The following KAZN variants were observed in gnomAD, a reference collection of about 807,000 sequenced individuals.
KAZN encodes kazrin, periplakin interacting protein, also known as kazrin.
Under a neutral mutation model 87.4 loss-of-function variants are expected in KAZN, and 40 were observed. That is an observed-to-expected ratio of 0.46 (90% CI 0.36 to 0.60). The LOEUF is 0.60. KAZN is among the 20% of genes least tolerant of loss of function. KAZN has a pLI of 0.00. For missense variants in KAZN, 898 were observed against 1,073.9 expected, an observed-to-expected ratio of 0.84 and a Z score of 2.29; for synonymous variants, 466 against 458.3, an observed-to-expected ratio of 1.02 and a Z score of -0.22.
chr1:15,087,859 A>C (rs1170107368), intron 8 of KAZN, among the ~76,000 whole-genome samples: 1 of 152,250 alleles, frequency 6.6e-6, no homozygotes, highest in African/African-American at 2.4e-5. Flanking sequence ...ACAAGGCTGA[A>C]CACTTTGCAC....
chr1:14,135,907 A>C (rs1645098049), intron 1 of KAZN, among the ~76,000 whole-genome samples: 5 of 152,232 alleles, frequency 3.3e-5, no homozygotes, highest in Admixed American at 3.3e-4. Context: ...GAAATATGTT[A>C]AAGTCACAGA....
chr1:14,203,530 T>C (rs1289601044), intron 2 of KAZN, among the ~76,000 whole-genome samples: 1 of 152,206 alleles, frequency 6.6e-6, no homozygotes, highest in Non-Finnish European at 1.5e-5. Context: ...GTTTAAGAAA[T>C]GATGGTATTT....
intron 1 of KAZN, among the ~76,000 whole-genome samples, chr1:13,982,436 G>T (rs947480166): frequency 6.6e-6 from 1 of 152,198 alleles, no homozygotes; most frequent in Admixed American, 6.5e-5. Flanking sequence ...CGACTTTCGC[G>T]CTGAGTGTTA....
At chr1:14,969,618 G>A (rs563951442) in intron 2 of KAZN, among the ~76,000 whole-genome samples, 10 of 152,214 alleles carry the variant, frequency 6.6e-5, no homozygotes, top group African/African-American at 2.4e-4. Flanking sequence ...CCCCTTAAAG[G>A]CTTCTTAGAC....
intron 4 of KAZN, among the ~76,000 whole-genome samples, chr1:15,048,890 C>T (rs558171702): frequency 1.3e-5 from 2 of 150,524 alleles, no homozygotes; most frequent in Admixed American, 6.6e-5. Flanking sequence ...GGTCCTGGGT[C>T]GTTGGTCCTG....
At chr1:14,947,436 A>G (rs538961254) in intron 1 of KAZN, among the ~76,000 whole-genome samples, 1 of 152,320 alleles carries the variant, frequency 6.6e-6, no homozygotes, top group Non-Finnish European at 1.5e-5. Flanking sequence ...TGCAAGAGCC[A>G]AGACTGGGGG....
At chr1:14,251,736 CCT>C (rs2100615401) in intron 2 of KAZN, among the ~76,000 whole-genome samples, 2 of 146,796 alleles carry the variant, frequency 1.4e-5, no homozygotes, top group South Asian at 4.3e-4. Flanking sequence ...GCAGCCTTGA[CCT>C]CTTGGGCTCA....
intron 1 of KAZN, among the ~76,000 whole-genome samples, chr1:14,917,764 A>G (rs1214426379): frequency 6.6e-6 from 1 of 151,960 alleles, no homozygotes; most frequent in Admixed American, 6.6e-5. Flanking sequence ...TTCCAAGATG[A>G]CCCCAATGAT....
At chr1:14,708,692 G>A (rs538590268) in intron 1 of KAZN, among the ~76,000 whole-genome samples, 1 of 152,326 alleles carries the variant, frequency 6.6e-6, no homozygotes, top group East Asian at 1.9e-4. Context: ...AGATCCCTGA[G>A]TAGCACAATG....
intron 1 of KAZN, among the ~76,000 whole-genome samples, chr1:14,146,414 T>C (rs1166795517): frequency 6.6e-6 from 1 of 150,886 alleles, no homozygotes; most frequent in African/African-American, 2.4e-5. Flanking sequence ...TGGGCACCTG[T>C]AATCCCAGCT....
intron 2 of KAZN, among the ~76,000 whole-genome samples, chr1:14,460,582 G>A (rs1248276875): frequency 6.6e-6 from 1 of 152,130 alleles, no homozygotes. Flanking sequence ...CTGCAGGCCT[G>A]GGATACTCCT....
intron 1 of KAZN, among the ~76,000 whole-genome samples, chr1:14,028,804 C>T (rs1264293230): frequency 1.3e-5 from 2 of 152,072 alleles, no homozygotes; most frequent in Admixed American, 6.6e-5. Context: ...GACATGAACT[C>T]ATCATTTTTT....
intron 1 of KAZN, among the ~76,000 whole-genome samples, chr1:13,905,247 T>C (rs904071016): frequency 4.6e-5 from 7 of 152,242 alleles, no homozygotes; most frequent in Admixed American, 2.0e-4. Context: ...TTCTTCTGCT[T>C]TTCTGTTGAC....
intron 2 of KAZN, among the ~76,000 whole-genome samples, chr1:14,977,939 G>A (rs1201299280): frequency 2.1e-5 from 3 of 141,360 alleles, no homozygotes; most frequent in Non-Finnish European, 4.5e-5. Flanking sequence ...TGTTGCCCAG[G>A]CTGGAGTGCA....
At chr1:13,900,132 A>G (rs1639194077) in intron 1 of KAZN, among the ~76,000 whole-genome samples, 1 of 150,656 alleles carries the variant, frequency 6.6e-6, no homozygotes, top group African/African-American at 2.4e-5. Flanking sequence ...CTTTCTCAAG[A>G]CTAATTCTTC....
At chr1:14,782,505 G>A (rs542280465) in intron 1 of KAZN, among the ~76,000 whole-genome samples, 9 of 135,570 alleles carry the variant, frequency 6.6e-5, no homozygotes, top group East Asian at 2.2e-4. Context: ...CCAAGGCCGC[G>A]TCATTACACT....
intron 1 of KAZN, among the ~76,000 whole-genome samples, chr1:13,942,546 C>CAAAAAA (rs55784948): frequency 1.4e-5 from 1 of 70,840 alleles, no homozygotes; most frequent in Non-Finnish European, 2.6e-5. Flanking sequence ...GACTCCGTCT[C>CAAAAAA]AAAAAAAAAA....
chr1:13,965,747 T>C (rs781253669), intron 1 of KAZN, among the ~76,000 whole-genome samples: 2 of 152,194 alleles, frequency 1.3e-5, no homozygotes, highest in Non-Finnish European at 2.9e-5. Context: ...GTCTTAATTA[T>C]CTCTATTTCC....
At chr1:14,936,545 A>G (rs769252191) in intron 1 of KAZN, among the ~76,000 whole-genome samples, 5 of 152,060 alleles carry the variant, frequency 3.3e-5, no homozygotes, top group Non-Finnish European at 5.9e-5. Context: ...TACTTTTGCC[A>G]TATAGAAAGG....
Sources: allele counts gnomAD v4.1 joint callset (sites outside exome capture counted in the v4.1 genomes callset), GRCh38; gene constraint gnomAD v4.1.1; transcripts MANE v1.5; gene names NCBI Gene and HGNC (gene_info 2026-07-23, HGNC 2026-07-21).